Variants in SEMA6B observed in about 807,000 individuals in gnomAD.
SEMA6B encodes semaphorin-6B.
SEMA6B carries 47 observed loss-of-function variants against 78.6 expected under a neutral mutation model. That is an observed-to-expected ratio of 0.60 (90% CI 0.47 to 0.76). SEMA6B has a LOEUF of 0.76. Among genes scored for constraint, SEMA6B ranks in the 30% least tolerant of loss-of-function variants. The pLI is 0.00. For missense variants in SEMA6B, 1,213 were observed against 1,269.9 expected, an observed-to-expected ratio of 0.96 and a Z score of 0.68; for synonymous variants, 632 against 592.2, an observed-to-expected ratio of 1.07 and a Z score of -0.98.
At chr19:4,556,128 G>C (rs373097874) in intron 5 of SEMA6B, 39 bp from the exon 6 acceptor site, 15 of 1,468,654 alleles carry the variant, frequency 1.0e-5, no homozygotes, top group Middle Eastern at 1.7e-4. Flanking sequence ...GCGCGATGTG[G>C]GCGTGGTCAT....
chr19:4,548,018 G>T lies in SEMA6B; in HGVS notation c.1601+9C>A. 6.5e-7 allele frequency: 1 copy of T among 1,537,656 alleles called. No homozygotes were observed. Among genetic ancestry groups the T allele is most frequent in the South Asian group, 1.2e-5 (1 of 82,882 alleles). On this transcript the variant is annotated intron_variant, in intron 14 of 16. Transcript: ENST00000586582. ...TCCCGCCCACGGCTGGCCTGGGGTG[G>T]ACACTCACTTCATACACCCCGAGTA...
At chr19:4,547,592 G>C (rs947786236) in intron 14 of SEMA6B, among the ~76,000 whole-genome samples, 4 of 152,102 alleles carry the variant, frequency 2.6e-5, no homozygotes, top group African/African-American at 9.7e-5. Context: ...CTCCACCCTG[G>C]TCCCTGGTTC....
intron 14 of SEMA6B, among the ~76,000 whole-genome samples, chr19:4,547,263 C>T (rs1027869495): frequency 6.6e-5 from 10 of 152,298 alleles, no homozygotes. Flanking sequence ...AGCTACCAAG[C>T]CCAGTCCCTC....
intron 3 of SEMA6B, 70 bp downstream of exon 3, chr19:4,557,956 C>G: frequency 8.0e-7 from 1 of 1,252,300 alleles, no homozygotes; most frequent in Non-Finnish European, 1.0e-6. Flanking sequence ...TCCCTGCCCT[C>G]GCCTCCTCTC....
At position 4,543,214 on chromosome 19, in the gene SEMA6B, G is replaced by A; in HGVS notation, c.*387C>T. On this transcript the variant is annotated 3_prime_UTR_variant, in exon 17 of 17. Coordinates refer to ENST00000586582, the MANE Select transcript of SEMA6B (RefSeq NM_032108.4). ...TGGGGGAGGGCTTAGGTCTGCAGCT[G>A]TGGCCCCCCATTCCCCACCGGCGTC... The A allele has an allele frequency of 1.8e-6, 1 of 553,564 alleles. No homozygotes were observed. The highest frequency in any genetic ancestry group is 2.4e-5 in the South Asian group (1 of 41,070). The allele number at this position is 553,564 out of a possible 1,614,324, so 34.3% of individuals were successfully genotyped here. A position where few individuals can be genotyped will look rare whatever the true frequency, so the allele number is the denominator to read the frequency against.
Position 4,543,337 on chromosome 19 carries a change from C to A in SEMA6B, c.*264G>T. On this transcript the variant is annotated 3_prime_UTR_variant, in exon 17 of 17. Coordinates refer to ENST00000586582, the MANE Select transcript of SEMA6B (RefSeq NM_032108.4). ...AAACTGCAAAAAAAACCAAAACCTACGCGCATAAGGTCAACCTCAAATCCA... is the reference window on the plus strand; with the variant it reads ...AAACTGCAAAAAAAACCAAAACCTAAGCGCATAAGGTCAACCTCAAATCCA... The A allele has an allele frequency of 2.2e-6, 1 of 456,842 alleles. No individual in the cohort carries two copies. 28.3% of individuals were successfully genotyped at this position (456,842 alleles called of 1,614,324 possible).
At chr19:4,551,221 T>C (rs1977323128) in intron 10 of SEMA6B, among the ~76,000 whole-genome samples, 2 of 111,958 alleles carry the variant, frequency 1.8e-5, no homozygotes, top group African/African-American at 4.4e-5. Flanking sequence ...CCCAGCAGGC[T>C]TTTTTTTTTT....
intron 5 of SEMA6B, among the ~76,000 whole-genome samples, chr19:4,556,296 T>C (rs1345610516): frequency 6.6e-6 from 1 of 152,022 alleles, no homozygotes; most frequent in Non-Finnish European, 1.5e-5. Flanking sequence ...GCCAGGATGG[T>C]GGGCATTGTC....
Position 4,555,966 on chromosome 19 carries a change from C to CGCAGGGAGTCTGAAGACTCACGCTGTGT in SEMA6B, c.471+21_471+22insACACAGCGTGAGTCTTCAGACTCCCTGC. ...AGAGGCCTGGAGGTTGGACCTGGGG[C>CGCAGGGAGTCTGAAGACTCACGCTGTGT]GCAGGGAGTCTGAAGACTCACGCTG... On this transcript the variant is annotated intron_variant, in intron 6 of 16. Transcript: ENST00000586582. The surrounding 1 kb of genome is among the most constrained non-coding windows in gnomAD (Gnocchi z 6.1). The CGCAGGGAGTCTGAAGACTCACGCTGTGT allele has an allele frequency of 1.3e-6, 2 of 1,593,272 alleles. No homozygotes were observed. The highest frequency in any genetic ancestry group is 1.7e-6 in the Non-Finnish European group (2 of 1,161,258).
At position 4,552,650 on chromosome 19, in the gene SEMA6B, C is replaced by T. The variant is rs777335955; in HGVS notation, c.772-11G>A. The T allele has an allele frequency of 1.9e-6, 3 of 1,591,350 alleles. No individual in the cohort carries two copies. Among genetic ancestry groups the T allele is most frequent in the East Asian group, 4.5e-5 (2 of 44,598 alleles). ...GCGGGACACCACCACCTGGGCGTGA[C>T]AGTGGACGGACGGGGGCCTGAGCTC... On this transcript the variant is annotated splice_polypyrimidine_tract_variant and intron_variant, in intron 9 of 16. Transcript: ENST00000586582. The surrounding 1 kb of genome is among the most constrained non-coding windows in gnomAD (Gnocchi z 7.4).
chr19:4,543,004 C>A lies in SEMA6B; in HGVS notation c.*597G>T. The A allele has an allele frequency of 1.4e-6, 1 of 694,396 alleles. No homozygotes were observed. The allele number at this position is 694,396 out of a possible 1,614,324, so 43.0% of individuals were successfully genotyped here. On this transcript the variant is annotated 3_prime_UTR_variant, in exon 17 of 17. Coordinates refer to ENST00000586582, the MANE Select transcript of SEMA6B (RefSeq NM_032108.4). The stretch of plus-strand genomic sequence containing the variant: ...AACGCCCAGGCCGCTGGGGCCACCA[C>A]GATCGTCGCTCGTGGACACACACCC...
rs781101994 is a variant in SEMA6B at position 4,546,281 on chromosome 19, G to A, written c.1680-7C>T. On this transcript the variant is annotated splice_polypyrimidine_tract_variant and splice_region_variant and intron_variant, in intron 15 of 16. Coordinates refer to ENST00000586582, the MANE Select transcript of SEMA6B (RefSeq NM_032108.4). Reference sequence around the variant, plus strand: ...GTCCTGCTCAAAGGCGGCTCTAATGGGGAGAGGAGGCACCGTCAGCAGAGG... The same window carrying A: ...GTCCTGCTCAAAGGCGGCTCTAATGAGGAGAGGAGGCACCGTCAGCAGAGG... The A allele has an allele frequency of 1.2e-6, 2 of 1,613,388 alleles. No homozygotes were observed. The highest frequency in any genetic ancestry group is 2.2e-5 in the South Asian group (2 of 90,948).
Position 4,543,913 on chromosome 19 carries a change from GC to G in SEMA6B, c.2354del (p.Gly785AlafsTer45). 3 of 1,202,304 alleles carry G rather than the reference GC, an allele frequency of 2.5e-6. No homozygotes were observed. Among genetic ancestry groups the G allele is most frequent in the Non-Finnish European group, 3.1e-6 (3 of 969,384 alleles). The allele number at this position is 1,202,304 out of a possible 1,614,324, so 74.5% of individuals were successfully genotyped here. On this transcript the variant is annotated frameshift_variant, in exon 17 of 17. Coordinates refer to ENST00000586582, the MANE Select transcript of SEMA6B (RefSeq NM_032108.4). LOFTEE classifies it high-confidence loss of function. ...YAARPGRASH[G>X]DFPLTPHASP... ...TGGCGTGGGGGGTGAGCGGGAAGTC[GC>G]CGTGGGAGGCGCGGCCGGGCCGGGC... is the stretch of plus-strand genomic sequence containing the variant.
chr19:4,554,639 G>A (rs368197711), intron 8 of SEMA6B, among the ~76,000 whole-genome samples, 163 bp from the exon 9 acceptor site: 6 of 152,226 alleles, frequency 3.9e-5, no homozygotes, highest in East Asian at 1.9e-4. Flanking sequence ...AGGGAGGTCA[G>A]AAGCCTAAAA....
In SEMA6B at chr19:4,544,141, C is replaced by A; in HGVS notation, c.2127G>T (p.Thr709=). 1 of 1,275,548 alleles carries A rather than the reference C, an allele frequency of 7.8e-7. No homozygotes were observed. The highest frequency in any genetic ancestry group is 9.9e-7 in the Non-Finnish European group (1 of 1,012,988). The allele number at this position is 1,275,548 out of a possible 1,614,324, so 79.0% of individuals were successfully genotyped here. A position where few individuals can be genotyped will look rare whatever the true frequency, so the allele number is the denominator to read the frequency against. Reference sequence around the variant, plus strand: ...TCTGCGGCAGCGGCGTCTGCTCGGGCGTGGGCAGCAGCCCCGAGTCCAGGT... The same window carrying A: ...TCTGCGGCAGCGGCGTCTGCTCGGGAGTGGGCAGCAGCCCCGAGTCCAGGT... The part of the protein sequence containing the change: ...PHDLDSGLLP[T]PEQTPLPQKR... Residue 709 remains threonine, a synonymous_variant, in exon 17 of 17, where the codon ACG becomes ACT. Coordinates refer to ENST00000586582, the MANE Select transcript of SEMA6B (RefSeq NM_032108.4). This position sits in a 1 kb window ranked among gnomAD's most constrained non-coding sequence, Gnocchi z 5.1.
intron 14 of SEMA6B, among the ~76,000 whole-genome samples, chr19:4,547,785 C>CT (rs1977206831): frequency 9.9e-6 from 1 of 101,478 alleles, no homozygotes; most frequent in Admixed American, 1.0e-4. Flanking sequence ...CTCCCATCCC[C>CT]TCCCCGTCCT....
intron 12 of SEMA6B, among the ~76,000 whole-genome samples, chr19:4,549,421 C>T (rs371187073): frequency 3.8e-4 from 58 of 151,666 alleles, no homozygotes; most frequent in African/African-American, 1.4e-3. Context: ...CCTGCCTCAG[C>T]CTCCCGAGTA....
chr19:4,550,765 C>T lies in SEMA6B; in HGVS notation c.1121+34G>A, dbSNP rs761723664. 6.2e-6 allele frequency: 10 copies of T among 1,610,760 alleles called. No individual in the cohort carries two copies. The Middle Eastern group carries it at 5.0e-4, about 80-fold the overall frequency. ...CGGCCCTGGGGATCAGGACCTCATC[C>T]GGGCATGTGACTCAGGATGGAGGGG... On this transcript the variant is annotated intron_variant, in intron 11 of 16. Transcript: ENST00000586582. This position sits in a 1 kb window ranked among gnomAD's most constrained non-coding sequence, Gnocchi z 6.6.
In SEMA6B at chr19:4,555,360, G is replaced by A. The variant is rs1977439196; in HGVS notation, c.562+114C>T. The stretch of plus-strand genomic sequence containing the variant: ...GGGCTGAGAGTCTGCCCATGTCACA[G>A]CTGGGACAAGTGGTCGTCCAGCTGC... On this transcript the variant is annotated intron_variant, in intron 7 of 16. Coordinates refer to ENST00000586582, the MANE Select transcript of SEMA6B (RefSeq NM_032108.4). This position sits in a 1 kb window ranked among gnomAD's most constrained non-coding sequence, Gnocchi z 6.1. 3 of 967,186 alleles carry A rather than the reference G, an allele frequency of 3.1e-6. No individual in the cohort carries two copies. The highest frequency in any genetic ancestry group is 1.5e-6 in the Non-Finnish European group (1 of 645,490). 59.9% of individuals were successfully genotyped at this position (967,186 alleles called of 1,614,324 possible). A position where few individuals can be genotyped will look rare whatever the true frequency, so the allele number is the denominator to read the frequency against.
Sources: gnomAD v4.1 joint callset for allele counts (sites outside exome capture counted in the v4.1 genomes callset) on GRCh38, gnomAD v4.1.1 for gene constraint, Gnocchi (gnomAD v3.1) non-coding constraint, MANE v1.5 for transcripts, NCBI Gene and HGNC (gene_info 2026-07-23, HGNC 2026-07-21) for gene names.